C10orf90: variants seen among roughly 807,000 people sequenced by gnomAD.
C10orf90 encodes (E2-independent) E3 ubiquitin-conjugating enzyme FATS.
A neutral mutation model predicts 62.5 loss-of-function variants in C10orf90; 56 were observed. That is an observed-to-expected ratio of 0.90 (90% confidence interval 0.72 to 1.12). The LOEUF (loss-of-function observed/expected upper bound fraction) is 1.12, where lower values mean the gene tolerates loss of function less well. C10orf90 is among the 50% of genes most tolerant of loss of function. The pLI is 0.00. For missense variants in C10orf90, 970 were observed against 880.4 expected (o/e 1.10, Z -1.29); for synonymous variants, 386 against 340.4 (o/e 1.13, Z -1.47).
chr10:126,469,988 C>A, intron 4 of C10orf90: 1 of 456,742 alleles, frequency 2.2e-6, no homozygotes, highest in Non-Finnish European at 4.4e-6. Context: ...GGAAGGCATT[C>A]TTCTGCATGT....
intron 1 of C10orf90, among the ~76,000 whole-genome samples, chr10:126,650,834 T>A (rs982265676): frequency 6.6e-6 from 1 of 152,092 alleles, no homozygotes; most frequent in Admixed American, 6.6e-5. Context: ...AAGAAAACGG[T>A]GGCTCTGTCA....
chr10:126,495,540 T>C (rs1293565100), intron 4 of C10orf90, among the ~76,000 whole-genome samples: 1 of 152,210 alleles, frequency 6.6e-6, no homozygotes, highest in African/African-American at 2.4e-5. Flanking sequence ...TATTTCTGCA[T>C]TGAACAACAA....
At chr10:126,634,440 A>C (rs574436968) in intron 2 of C10orf90, among the ~76,000 whole-genome samples, 2 of 152,202 alleles carry the variant, frequency 1.3e-5, no homozygotes, top group African/African-American at 4.8e-5. Flanking sequence ...GTCAAAAAAC[A>C]GTGGTTACCA....
intron 2 of C10orf90, among the ~76,000 whole-genome samples, chr10:126,615,362 A>G (rs7073899): frequency 0.049 from 7,405 of 152,288 alleles, 532 homozygotes; most frequent in African/African-American, 0.16. Context: ...TTGGATACCC[A>G]AAACCAGCAA....
intron 7 of C10orf90, among the ~76,000 whole-genome samples, chr10:126,430,130 C>T (rs554859917): frequency 2.6e-5 from 4 of 152,316 alleles, no homozygotes; most frequent in Admixed American, 1.3e-4. Flanking sequence ...CTTCCTTTAG[C>T]AACAGAGTCA....
intron 4 of C10orf90, among the ~76,000 whole-genome samples, chr10:126,471,860 A>G (rs1398807686): frequency 1.3e-5 from 2 of 152,210 alleles, no homozygotes; most frequent in African/African-American, 4.8e-5. Flanking sequence ...TCATAAACCT[A>G]GAGATTTTCA....
At chr10:126,572,258 AC>A (rs1297591135) in intron 2 of C10orf90, among the ~76,000 whole-genome samples, 2 of 152,086 alleles carry the variant, frequency 1.3e-5, no homozygotes, top group African/African-American at 4.8e-5. Context: ...GATCATCCTC[AC>A]TGCTACACTC....
intron 6 of C10orf90, among the ~76,000 whole-genome samples, chr10:126,460,707 C>T (rs189408581): frequency 9.8e-4 from 149 of 152,164 alleles, no homozygotes; most frequent in Admixed American, 2.5e-3. Context: ...AATGCCTCAC[C>T]CAGGTCCCAC....
intron 3 of C10orf90, among the ~76,000 whole-genome samples, chr10:126,506,668 T>A (rs962114016): frequency 6.6e-6 from 1 of 152,204 alleles, no homozygotes; most frequent in African/African-American, 2.4e-5. Context: ...ATGTAGGTGA[T>A]CTGGGTCACA....
intron 1 of C10orf90, among the ~76,000 whole-genome samples, chr10:126,650,991 C>T (rs1459303268): frequency 9.9e-5 from 15 of 152,184 alleles, no homozygotes; most frequent in Admixed American, 5.9e-4. Flanking sequence ...ACATCAACAT[C>T]ACATTGATCT....
intron 7 of C10orf90, among the ~76,000 whole-genome samples, chr10:126,446,295 C>G (rs1858776353): frequency 6.6e-6 from 1 of 151,980 alleles, no homozygotes; most frequent in African/African-American, 2.4e-5. Context: ...GGTTTCTAAT[C>G]ATATTCAACC....
chr10:126,596,966 T>C (rs887135839), intron 2 of C10orf90, among the ~76,000 whole-genome samples: 2 of 152,198 alleles, frequency 1.3e-5, no homozygotes, highest in African/African-American at 4.8e-5. Context: ...ACATCTTTAG[T>C]CATCAAGGAA....
intron 2 of C10orf90, among the ~76,000 whole-genome samples, chr10:126,645,124 G>A (rs970446134): frequency 1.3e-5 from 2 of 151,660 alleles, no homozygotes; most frequent in Admixed American, 6.6e-5. Flanking sequence ...GGTGGGAGGA[G>A]GGGGGAGGGA....
chr10:126,662,576 C>A (rs1430739353), intron 1 of C10orf90, among the ~76,000 whole-genome samples: 1 of 152,144 alleles, frequency 6.6e-6, no homozygotes, highest in Non-Finnish European at 1.5e-5. Flanking sequence ...TTAGGTTTTC[C>A]CTTCCTGTGC....
chr10:126,608,150 C>T lies in C10orf90; in HGVS notation c.313+38415G>A, dbSNP rs1845353955. Reference sequence around the variant, plus strand: ...TGGACACAGGGTCTTGCTCTGTTGCCCAAGCTGGAGTGCAGTGGTGCCATC... The same window carrying T: ...TGGACACAGGGTCTTGCTCTGTTGCTCAAGCTGGAGTGCAGTGGTGCCATC... On this transcript the variant is annotated intron_variant, in intron 2 of 9. Transcript: ENST00000488181. Among the ~76,000 whole-genome samples the T allele has an allele frequency of 2.0e-5, 3 of 152,112 alleles. No homozygotes were observed. The East Asian group carries it at 5.8e-4, about 29-fold the overall frequency.
At chr10:126,666,632 C>T (rs1476300757) in intron 1 of C10orf90, among the ~76,000 whole-genome samples, 1 of 152,064 alleles carries the variant, frequency 6.6e-6, no homozygotes, top group African/African-American at 2.4e-5. Context: ...GCTCTGGGCC[C>T]ACTGAGTCAC....
chr10:126,482,949 C>G (rs1453284266), intron 4 of C10orf90, among the ~76,000 whole-genome samples: 4 of 152,216 alleles, frequency 2.6e-5, no homozygotes, highest in Admixed American at 1.3e-4. Flanking sequence ...TTTAAGTTAT[C>G]TGCATTTGGG....
chr10:126,437,796 C>T (rs1252977656), intron 7 of C10orf90, among the ~76,000 whole-genome samples: 102 of 152,294 alleles, frequency 6.7e-4, no homozygotes, highest in Middle Eastern at 3.4e-3. Context: ...CATACCATGG[C>T]AACAAACAGG....
intron 4 of C10orf90, among the ~76,000 whole-genome samples, chr10:126,474,893 T>C (rs1860771970): frequency 6.6e-6 from 1 of 152,200 alleles, no homozygotes; most frequent in Non-Finnish European, 1.5e-5. Context: ...TCATTTGCTT[T>C]GTCCTCTGTC....
Sources: allele counts gnomAD v4.1 joint callset (sites outside exome capture counted in the v4.1 genomes callset), GRCh38; gene constraint gnomAD v4.1.1; transcripts MANE v1.5; gene names NCBI Gene and HGNC (gene_info 2026-07-23, HGNC 2026-07-21).